The following MAGI2 variants were observed in gnomAD, a reference collection of about 807,000 sequenced individuals.
The protein encoded by MAGI2 is membrane-associated guanylate kinase, WW and PDZ domain-containing protein 2.
MAGI2 carries 35 observed loss-of-function variants against 133.3 expected under a neutral mutation model. That is an observed-to-expected ratio of 0.26 (90% CI 0.20 to 0.35). MAGI2 has a LOEUF of 0.35. Among genes scored for constraint, MAGI2 ranks in the 10% least tolerant of loss-of-function variants. MAGI2 has a pLI of 1.00. For missense variants in MAGI2, 1,636 were observed against 1,863.4 expected (o/e 0.88, Z 2.25); for synonymous variants, 729 against 710.6 (o/e 1.03, Z -0.41).
chr7:78,426,416 T>G (rs1470046308), intron 6 of MAGI2, among the ~76,000 whole-genome samples: 4 of 150,326 alleles, frequency 2.7e-5, no homozygotes, highest in African/African-American at 9.9e-5. Flanking sequence ...ATGGAACACA[T>G]GGACACAGGA....
intron 2 of MAGI2, among the ~76,000 whole-genome samples, chr7:78,723,497 GACA>G (rs1820464721): frequency 6.6e-6 from 1 of 152,150 alleles, no homozygotes; most frequent in East Asian, 1.9e-4. Context: ...GAGAGGCAAT[GACA>G]ACATCATGAA....
chr7:78,553,879 G>T (rs1453494416), intron 3 of MAGI2, among the ~76,000 whole-genome samples: 3 of 152,180 alleles, frequency 2.0e-5, no homozygotes, highest in Non-Finnish European at 1.5e-5. Flanking sequence ...ATGGAAGGGA[G>T]TAGGGCCCGG....
chr7:79,297,668 A>T (rs1837046067), intron 1 of MAGI2, among the ~76,000 whole-genome samples: 1 of 152,230 alleles, frequency 6.6e-6, no homozygotes. Context: ...TTAACTGAAT[A>T]ATATAAATCC....
At chr7:78,592,828 CTTTTTTTTTTTTT>C (rs10675572) in intron 3 of MAGI2, among the ~76,000 whole-genome samples, 1 of 106,862 alleles carries the variant, frequency 9.4e-6, no homozygotes, top group Non-Finnish European at 1.8e-5. Flanking sequence ...TACTGATTCT[CTTTTTTTTTTTTT>C]TTTTTTTTTT....
At chr7:78,217,794 C>T (rs1488808883) in intron 10 of MAGI2, among the ~76,000 whole-genome samples, 1 of 152,160 alleles carries the variant, frequency 6.6e-6, no homozygotes, top group Non-Finnish European at 1.5e-5. Context: ...GCACAAAGAC[C>T]TGTAATAATT....
At chr7:78,792,233 G>A (rs1787220438) in intron 2 of MAGI2, among the ~76,000 whole-genome samples, 1 of 152,142 alleles carries the variant, frequency 6.6e-6, no homozygotes, top group Admixed American at 6.5e-5. Flanking sequence ...TAGTGTTACA[G>A]CACGGAGGAA....
chr7:78,445,801 T>C (rs935829302), intron 6 of MAGI2, among the ~76,000 whole-genome samples: 1 of 152,142 alleles, frequency 6.6e-6, no homozygotes, highest in Admixed American at 6.6e-5. Flanking sequence ...TGCATTTTCT[T>C]CCTTGAAAAC....
chr7:79,293,881 A>G (rs954216871), intron 1 of MAGI2, among the ~76,000 whole-genome samples: 1 of 152,192 alleles, frequency 6.6e-6, no homozygotes, highest in African/African-American at 2.4e-5. Context: ...ACAGTACTTC[A>G]TATACAAAAG....
chr7:78,999,355 G>C lies in MAGI2; in HGVS notation c.418+7735C>G, dbSNP rs374917473. On this transcript the variant is annotated intron_variant, in intron 2 of 21. Transcript: ENST00000354212. ...TCCTTTATTCTCAAACTAGTGTCCT[G>C]TGGTGTCAAATTGATAAATCAATAC... 1.5e-4 allele frequency among the ~76,000 whole-genome samples: 22 copies of C among 150,672 alleles called. No homozygotes were observed. The East Asian group carries it at 1.6e-3, about 11-fold the overall frequency.
chr7:79,305,146 G>A (rs1181764665), intron 1 of MAGI2, among the ~76,000 whole-genome samples: 1 of 152,172 alleles, frequency 6.6e-6, no homozygotes. Context: ...TTGGCCCTTT[G>A]GTTAAGAGCT....
chr7:79,314,414 A>T (rs1238894112), intron 1 of MAGI2, among the ~76,000 whole-genome samples: 1 of 152,088 alleles, frequency 6.6e-6, no homozygotes, highest in Non-Finnish European at 1.5e-5. Context: ...TGGCCTATTT[A>T]TTTTACTTTA....
intron 2 of MAGI2, among the ~76,000 whole-genome samples, chr7:78,698,820 G>A (rs1388665861): frequency 6.6e-6 from 1 of 152,066 alleles, no homozygotes; most frequent in Non-Finnish European, 1.5e-5. Flanking sequence ...CAGATCTCGT[G>A]AGAACTCACT....
chr7:78,757,526 G>T lies in MAGI2; in HGVS notation c.419-130287C>A, dbSNP rs113865550. ...AAAATAAAACTTAAAAGAATTATCTGAATTCTCTATCTCCATTTCCGTTTT... is the reference window on the plus strand; with the variant it reads ...AAAATAAAACTTAAAAGAATTATCTTAATTCTCTATCTCCATTTCCGTTTT... On this transcript the variant is annotated intron_variant, in intron 2 of 21. Transcript: ENST00000354212. 2.1e-3 allele frequency among the ~76,000 whole-genome samples: 327 copies of T among 152,202 alleles called. 1 individual carries two copies. Among genetic ancestry groups the T allele is most frequent in the Non-Finnish European group, 3.5e-3 (237 of 68,002 alleles).
chr7:78,851,797 A>G (rs1302516744), intron 2 of MAGI2, among the ~76,000 whole-genome samples: 1 of 152,136 alleles, frequency 6.6e-6, no homozygotes, highest in African/African-American at 2.4e-5. Flanking sequence ...TCTGTTAAAC[A>G]TTCTCTTGTT....
At chr7:79,383,349 C>T (rs1267611498) in intron 1 of MAGI2, among the ~76,000 whole-genome samples, 1 of 151,374 alleles carries the variant, frequency 6.6e-6, no homozygotes, top group Admixed American at 6.6e-5. Flanking sequence ...GTTAGAAATA[C>T]CATAGACATG....
chr7:78,535,149 A>T (rs961222547), intron 3 of MAGI2, among the ~76,000 whole-genome samples: 2 of 152,154 alleles, frequency 1.3e-5, no homozygotes, highest in African/African-American at 2.4e-5. Flanking sequence ...AAAAGAAAAT[A>T]AAAAAATGAG....
intron 3 of MAGI2, among the ~76,000 whole-genome samples, chr7:78,555,166 AAATAAATG>A (rs371680110): frequency 0.35 from 44,661 of 129,042 alleles, 8,695 homozygotes; most frequent in Middle Eastern, 0.48. Flanking sequence ...ATAAATAAAT[AAATAAATG>A]AATGATAGAG....
At chr7:79,213,303 T>C (rs980839536) in intron 1 of MAGI2, among the ~76,000 whole-genome samples, 1 of 150,550 alleles carries the variant, frequency 6.6e-6, no homozygotes, top group African/African-American at 2.5e-5. Context: ...TACGTGTGTG[T>C]ATTTACACAC....
intron 1 of MAGI2, among the ~76,000 whole-genome samples, chr7:79,403,657 GA>G: frequency 6.6e-6 from 1 of 152,040 alleles, no homozygotes; most frequent in East Asian, 1.9e-4. Flanking sequence ...TGCCAAAAAT[GA>G]AAATTTCAAA....
Sources: allele counts gnomAD v4.1 joint callset (sites outside exome capture counted in the v4.1 genomes callset), GRCh38; gene constraint gnomAD v4.1.1; transcripts MANE v1.5; gene names NCBI Gene and HGNC (gene_info 2026-07-23, HGNC 2026-07-21).